The following NUMB variants were observed in gnomAD, a reference collection of about 807,000 sequenced individuals.
The protein encoded by NUMB is NUMB endocytic adaptor protein.
A neutral mutation model predicts 59.7 loss-of-function variants in NUMB; 29 were observed. The ratio of observed to expected loss-of-function variants is 0.49; its 90% CI spans 0.36 to 0.66. The LOEUF (loss-of-function observed/expected upper bound fraction) is 0.66, where lower values mean the gene tolerates loss of function less well. NUMB is among the 30% of genes least tolerant of loss of function. The pLI, the probability that NUMB is intolerant of heterozygous loss-of-function variation, is 0.00. For synonymous variants in NUMB, 288 were observed against 288.2 expected (o/e 1.00, Z 0.01); for missense variants, 723 against 822.0 (o/e 0.88, Z 1.47).
chr14:73,345,249 A>G (rs1594929903), intron 4 of NUMB, among the ~76,000 whole-genome samples: 1 of 152,228 alleles, frequency 6.6e-6, no homozygotes, highest in African/African-American at 2.4e-5. Flanking sequence ...ACAGGAACAG[A>G]AAACCAAATA....
intron 7 of NUMB, 120 bp from the exon 8 acceptor site, chr14:73,292,994 T>C: frequency 1.0e-6 from 1 of 964,656 alleles, no homozygotes; most frequent in Non-Finnish European, 1.5e-6. Context: ...GGCTATGGAA[T>C]ACCTAGATCT....
chr14:73,300,195 A>C (rs1890053950), intron 6 of NUMB, among the ~76,000 whole-genome samples: 1 of 152,180 alleles, frequency 6.6e-6, no homozygotes, highest in Admixed American at 6.5e-5. Flanking sequence ...GCCCAAGAAA[A>C]AGAGAAGAGT....
intron 2 of NUMB, among the ~76,000 whole-genome samples, chr14:73,402,874 G>A (rs1027040289): frequency 1.6e-4 from 24 of 152,262 alleles, no homozygotes; most frequent in African/African-American, 5.8e-4. Flanking sequence ...CCAGTTAAAT[G>A]TGTATTATGT....
At chr14:73,281,996 C>G (rs1888663163) in intron 11 of NUMB, among the ~76,000 whole-genome samples, 1 of 152,180 alleles carries the variant, frequency 6.6e-6, no homozygotes, top group South Asian at 2.1e-4. Context: ...AACCACTACA[C>G]TAAAGAAAGC....
At chr14:73,423,123 T>C (rs1477604611) in intron 1 of NUMB, among the ~76,000 whole-genome samples, 1 of 152,136 alleles carries the variant, frequency 6.6e-6, no homozygotes, top group Non-Finnish European at 1.5e-5. Flanking sequence ...CCTGTGTTCC[T>C]TCCACCAAAC....
At chr14:73,394,632 G>T (rs1046091573) in intron 2 of NUMB, among the ~76,000 whole-genome samples, 1 of 149,742 alleles carries the variant, frequency 6.7e-6, no homozygotes, top group African/African-American at 2.5e-5. Flanking sequence ...TTGTACAAGG[G>T]ATCTCCAGAA....
chr14:73,397,627 G>C (rs1027613923), intron 2 of NUMB, among the ~76,000 whole-genome samples: 3 of 152,106 alleles, frequency 2.0e-5, no homozygotes, highest in African/African-American at 7.2e-5. Context: ...AAGAATTTTA[G>C]GGATTTTCTT....
intron 3 of NUMB, among the ~76,000 whole-genome samples, chr14:73,357,608 C>A (rs1260581503): frequency 6.6e-6 from 1 of 151,492 alleles, no homozygotes; most frequent in Non-Finnish European, 1.5e-5. Flanking sequence ...ACAAAAAATA[C>A]AAAAATTAGT....
At chr14:73,457,891 C>T (rs1340893514) in intron 1 of NUMB, 2 of 152,544 alleles carry the variant, frequency 1.3e-5, no homozygotes, top group African/African-American at 4.8e-5. Context: ...CCGAGCGTTT[C>T]CTCAGACGCC....
chr14:73,351,835 G>C (rs1212099308), intron 4 of NUMB, among the ~76,000 whole-genome samples: 1 of 151,900 alleles, frequency 6.6e-6, no homozygotes, highest in Admixed American at 6.6e-5. Flanking sequence ...AATTAGCCAG[G>C]TGTGGTGGCA....
chr14:73,280,686 ATTTT>A (rs397852698), intron 11 of NUMB, among the ~76,000 whole-genome samples: 10 of 87,718 alleles, frequency 1.1e-4, no homozygotes, highest in African/African-American at 1.4e-4. Flanking sequence ...TGTTGGTACT[ATTTT>A]TTTTTTTTTT....
intron 6 of NUMB, chr14:73,297,888 A>C (rs1164885461): frequency 6.6e-6 from 1 of 151,410 alleles, no homozygotes; most frequent in African/African-American, 2.4e-5. Flanking sequence ...ATTTTTCCTA[A>C]TAATTTTTTT....
intron 2 of NUMB, among the ~76,000 whole-genome samples, chr14:73,398,413 AGAGTGTGTGTGTGTGT>A (rs1316364945): frequency 2.2e-4 from 26 of 117,776 alleles, no homozygotes; most frequent in Middle Eastern, 4.3e-3. Context: ...AGAGAGAGAG[AGAGTGTGTGTGTGTGT>A]GTGTGTGTGT....
chr14:73,398,415 A>AGAGAGAGAGAGTGTGT (rs1438462148), intron 2 of NUMB, among the ~76,000 whole-genome samples: 1 of 118,804 alleles, frequency 8.4e-6, no homozygotes, highest in African/African-American at 3.3e-5. Flanking sequence ...AGAGAGAGAG[A>AGAGAGAGAGAGTGTGT]GTGTGTGTGT....
At position 73,297,234 on chromosome 14, in the gene NUMB, T is replaced by A. The variant is rs757650648; in HGVS notation, c.286A>T (p.Arg96Ter). 6.2e-7 allele frequency: 1 copy of A among 1,608,888 alleles called. No homozygotes were observed. The highest frequency in any genetic ancestry group is 8.5e-7 in the Non-Finnish European group (1 of 1,175,704). ...AVLWVSADGL[R>*]VVDEKTKDLI... Reference sequence around the variant, plus strand: ...ACCTTAGTTTTTTCATCCACAACTCTGAGTCCATCTGCTGAGACCCACAGA... The same window carrying A: ...ACCTTAGTTTTTTCATCCACAACTCAGAGTCCATCTGCTGAGACCCACAGA... The change falls in exon 7 of 13, where the codon AGA becomes TGA. Residue 96 changes from arginine to a stop codon, truncating the protein, a stop_gained. Transcript: ENST00000555238. LOFTEE classifies it high-confidence loss of function.
intron 1 of NUMB, among the ~76,000 whole-genome samples, chr14:73,440,617 G>T (rs891865977): frequency 6.6e-6 from 1 of 151,434 alleles, no homozygotes; most frequent in Non-Finnish European, 1.5e-5. Flanking sequence ...AGGCTGAGGC[G>T]GGCGGATCAC....
intron 4 of NUMB, among the ~76,000 whole-genome samples, chr14:73,339,439 G>A (rs931225858): frequency 3.9e-5 from 6 of 152,122 alleles, no homozygotes; most frequent in African/African-American, 1.2e-4. Context: ...CATTCCTTCT[G>A]CTTACAACCT....
chr14:73,385,592 C>A (rs1476523917), intron 2 of NUMB, among the ~76,000 whole-genome samples: 1 of 148,182 alleles, frequency 6.7e-6, no homozygotes, highest in Non-Finnish European at 1.5e-5. Context: ...ACCTCCGCCT[C>A]CCAGGTTCAA....
intron 2 of NUMB, among the ~76,000 whole-genome samples, chr14:73,385,417 T>A (rs1163826350): frequency 1.3e-5 from 2 of 149,006 alleles, no homozygotes; most frequent in African/African-American, 5.0e-5. Context: ...CCTAGAATTA[T>A]AGGTGTGAGC....
Sources: gnomAD v4.1 joint callset for allele counts (sites outside exome capture counted in the v4.1 genomes callset) on GRCh38, gnomAD v4.1.1 for gene constraint, MANE v1.5 for transcripts, NCBI Gene and HGNC (gene_info 2026-07-23, HGNC 2026-07-21) for gene names.